Variants in PDIA3 observed in about 807,000 individuals in gnomAD.
PDIA3 encodes protein disulfide-isomerase A3.
In PDIA3, 16 loss-of-function variants were observed where a neutral mutation model predicts 56.9. The ratio of observed to expected loss-of-function variants is 0.28; its 90% confidence interval spans 0.19 to 0.43. PDIA3 has a LOEUF of 0.43. PDIA3 is among the 20% of genes least tolerant of loss of function. PDIA3 has a pLI of 1.00. For synonymous variants in PDIA3, 192 were observed against 216.5 expected (o/e 0.89, Z 0.99); for missense variants, 485 against 621.3 (o/e 0.78, Z 2.33).
chr15:43,755,817 G>T (rs1281674011), intron 2 of PDIA3, among the ~76,000 whole-genome samples: 1 of 152,008 alleles, frequency 6.6e-6, no homozygotes, highest in Non-Finnish European at 1.5e-5. Context: ...GGGAGGCTGA[G>T]GCAGGAGAAT....
rs1385817892 is a variant in PDIA3 at position 43,765,332 on chromosome 15, A to G, written c.603-118A>G. ...GGAGTTCAAGGCTACAGTGAGCTAT[A>G]ATCACACCATTGCACTCCAGCCTGA... On this transcript the variant is annotated intron_variant, in intron 5 of 12. Transcript: ENST00000300289. 25 of 707,902 alleles carry G rather than the reference A, an allele frequency of 3.5e-5. No individual in the cohort carries two copies. The South Asian group carries it at 4.0e-4, about 11-fold the overall frequency. 43.9% of individuals were successfully genotyped at this position (707,902 alleles called of 1,614,324 possible). A position where few individuals can be genotyped will look rare whatever the true frequency, so the allele number is the denominator to read the frequency against.
In PDIA3 at chr15:43,765,884, C is replaced by T. The variant is rs772458166; in HGVS notation, c.720-3C>T. The T allele has an allele frequency of 6.2e-7, 1 of 1,603,756 alleles. No homozygotes were observed. The highest frequency in any genetic ancestry group is 1.1e-5 in the South Asian group (1 of 88,414). On this transcript the variant is annotated splice_region_variant and splice_polypyrimidine_tract_variant and intron_variant, in intron 6 of 12. Coordinates refer to ENST00000300289, the MANE Select transcript of PDIA3 (RefSeq NM_005313.5). ...CAGTTGATAATGGATTATTTCATTTCAGTTTTGGTATCTGCCCTCACATGA... is the reference window on the plus strand; with the variant it reads ...CAGTTGATAATGGATTATTTCATTTTAGTTTTGGTATCTGCCCTCACATGA...
intron 8 of PDIA3, 101 bp from the exon 9 acceptor site, chr15:43,768,388 T>A: frequency 2.4e-6 from 2 of 822,414 alleles, no homozygotes; most frequent in Non-Finnish European, 4.0e-6. Context: ...TTTTTTAGCC[T>A]TGAAAAGCTA....
intron 1 of PDIA3, among the ~76,000 whole-genome samples, chr15:43,750,171 ATT>A (rs781370240): frequency 1.0e-4 from 12 of 117,378 alleles, no homozygotes; most frequent in Admixed American, 1.8e-4. Context: ...TGTCTGGCTA[ATT>A]TTTTTTTTTT....
chr15:43,748,894 G>A (rs1381230652), intron 1 of PDIA3, among the ~76,000 whole-genome samples: 2 of 151,604 alleles, frequency 1.3e-5, no homozygotes, highest in African/African-American at 2.4e-5. Flanking sequence ...TCAGCCTCCC[G>A]AGTAGCTGGG....
chr15:43,746,765 G>A, intron 1 of PDIA3, 59 bp downstream of exon 1: 1 of 1,578,748 alleles, frequency 6.3e-7, no homozygotes, highest in Admixed American at 1.7e-5. Context: ...GGGCGAGAGC[G>A]CGGGGAACTG....
chr15:43,767,431 A>G (rs1360961747), intron 8 of PDIA3, among the ~76,000 whole-genome samples: 1 of 152,036 alleles, frequency 6.6e-6, no homozygotes, highest in Non-Finnish European at 1.5e-5. Flanking sequence ...TCTGAAAACT[A>G]ATGAAAGGAT....
chr15:43,758,464 G>A (rs1242806447), intron 3 of PDIA3, among the ~76,000 whole-genome samples: 4 of 151,944 alleles, frequency 2.6e-5, no homozygotes, highest in Non-Finnish European at 5.9e-5. Flanking sequence ...TTTGAGGCCA[G>A]CCAGGACAAT....
intron 1 of PDIA3, chr15:43,751,657 C>G: frequency 5.4e-6 from 7 of 1,304,110 alleles, no homozygotes; most frequent in Non-Finnish European, 6.1e-6. Context: ...ATTTGATGAC[C>G]TTATGGATAT....
At chr15:43,770,011 T>C (rs1413915360) in intron 10 of PDIA3, among the ~76,000 whole-genome samples, 2 of 152,056 alleles carry the variant, frequency 1.3e-5, no homozygotes, top group African/African-American at 2.4e-5. Flanking sequence ...ATATGTAGAG[T>C]CTTAATACAA....
At chr15:43,751,670 C>T in intron 1 of PDIA3, 1 of 1,304,022 alleles carries the variant, frequency 7.7e-7, no homozygotes, top group South Asian at 1.2e-5. Flanking sequence ...ATGGATATTG[C>T]CAAAGTTTAA....
chr15:43,753,484 G>C (rs2086757809), intron 1 of PDIA3, among the ~76,000 whole-genome samples: 1 of 152,118 alleles, frequency 6.6e-6, no homozygotes, highest in African/African-American at 2.4e-5. Flanking sequence ...TCATTAATTG[G>C]TCAAAAGGGC....
chr15:43,756,507 T>TA (rs2086779327), intron 2 of PDIA3, 142 bp from the exon 3 acceptor site: 2 of 622,080 alleles, frequency 3.2e-6, no homozygotes, highest in Non-Finnish European at 5.8e-6. Context: ...AGTCTGCCTT[T>TA]AAAATCTAAT....
chr15:43,772,925 T>C lies in PDIA3; in HGVS notation c.*1707T>C. The stretch of plus-strand genomic sequence containing the variant: ...CTCCTAGGCACAGCTATGGAGTCTT[T>C]GCACAGTGCCCATACCCTAAAAATT... On this transcript the variant is annotated 3_prime_UTR_variant, in exon 13 of 13. Coordinates refer to ENST00000300289, the MANE Select transcript of PDIA3 (RefSeq NM_005313.5). The C allele has an allele frequency of 1.9e-6, 1 of 534,918 alleles. No homozygotes were observed. Among genetic ancestry groups the C allele is most frequent in the Middle Eastern group, 4.9e-4 (1 of 2,026 alleles). 33.1% of individuals were successfully genotyped at this position (534,918 alleles called of 1,614,324 possible). A position where few individuals can be genotyped will look rare whatever the true frequency, so the allele number is the denominator to read the frequency against.
At chr15:43,765,812 C>A in intron 6 of PDIA3, 75 bp from the exon 7 acceptor site, 2 of 1,448,870 alleles carry the variant, frequency 1.4e-6, no homozygotes, top group Non-Finnish European at 9.5e-7. Context: ...TAAATGCTAT[C>A]AATTATTTTG....
intron 1 of PDIA3, among the ~76,000 whole-genome samples, chr15:43,748,428 C>T (rs147861501): frequency 0.013 from 1,971 of 152,120 alleles, 43 homozygotes; most frequent in African/African-American, 0.045. Flanking sequence ...CAGTGAGCCA[C>T]GATCCTGCCA....
At chr15:43,748,814 G>T (rs1330524254) in intron 1 of PDIA3, among the ~76,000 whole-genome samples, 1 of 151,440 alleles carries the variant, frequency 6.6e-6, no homozygotes, top group Non-Finnish European at 1.5e-5. Context: ...TGTTGCCCAG[G>T]CTAGAGTGCC....
intron 1 of PDIA3, chr15:43,753,044 C>T (rs2141645319): frequency 2.8e-6 from 1 of 358,174 alleles, no homozygotes; most frequent in Non-Finnish European, 5.6e-6. Context: ...TAATATCATA[C>T]TTGAGACATT....
chr15:43,759,424 A>G (rs904687892), intron 3 of PDIA3, among the ~76,000 whole-genome samples: 1 of 152,020 alleles, frequency 6.6e-6, no homozygotes, highest in African/African-American at 2.4e-5. Flanking sequence ...AAGTGAAACA[A>G]CCTATAACAA....
Sources: allele counts gnomAD v4.1 joint callset (sites outside exome capture counted in the v4.1 genomes callset), GRCh38; gene constraint gnomAD v4.1.1; transcripts MANE v1.5; gene names NCBI Gene and HGNC (gene_info 2026-07-23, HGNC 2026-07-21).